SEMA3E: variants seen among roughly 807,000 people sequenced by gnomAD.
The protein encoded by SEMA3E is semaphorin 3E, also known as semaphorin-3E.
In SEMA3E, 49 loss-of-function variants were observed where a neutral mutation model predicts 93.6. That is an observed-to-expected ratio of 0.52 (90% confidence interval 0.42 to 0.66). The LOEUF (loss-of-function observed/expected upper bound fraction) is 0.66. Ranked by LOEUF, SEMA3E falls within the 30% of genes least tolerant of loss-of-function variation. The probability of loss-of-function intolerance (pLI) is 0.00; values close to 1 mark genes in which losing one functional copy is unlikely to be tolerated. For missense variants in SEMA3E, 906 were observed against 964.8 expected (o/e 0.94, Z 0.81); for synonymous variants, 363 against 330.7 (o/e 1.10, Z -1.06).
chr7:83,460,949 T>C (rs1029402861), intron 4 of SEMA3E, among the ~76,000 whole-genome samples: 17 of 152,050 alleles, frequency 1.1e-4, no homozygotes, highest in Admixed American at 5.9e-4. Flanking sequence ...CATTCCTCCT[T>C]CTACTCCCTT....
At chr7:83,466,888 C>A (rs1013565376) in intron 3 of SEMA3E, among the ~76,000 whole-genome samples, 4 of 152,076 alleles carry the variant, frequency 2.6e-5, no homozygotes, top group African/African-American at 9.7e-5. Context: ...AAGCACTATT[C>A]AGAAATTTCT....
At chr7:83,478,913 C>T (rs1790078728) in intron 2 of SEMA3E, among the ~76,000 whole-genome samples, 1 of 152,314 alleles carries the variant, frequency 6.6e-6, no homozygotes, top group East Asian at 1.9e-4. Context: ...ACTTACTGGC[C>T]TCATGGCTCT....
chr7:83,423,695 T>A (rs1788715337), intron 4 of SEMA3E, among the ~76,000 whole-genome samples: 1 of 150,078 alleles, frequency 6.7e-6, no homozygotes, highest in South Asian at 2.1e-4. Context: ...GTACTTTTAG[T>A]AGAGACAGAG....
chr7:83,513,876 G>A (rs1790874986), intron 1 of SEMA3E, among the ~76,000 whole-genome samples: 1 of 152,100 alleles, frequency 6.6e-6, no homozygotes, highest in Non-Finnish European at 1.5e-5. Context: ...ATGTGATCCA[G>A]AGCAACTCCA....
chr7:83,512,753 C>A (rs979213571), intron 1 of SEMA3E, among the ~76,000 whole-genome samples: 2 of 152,006 alleles, frequency 1.3e-5, no homozygotes, highest in African/African-American at 4.8e-5. Flanking sequence ...GATGATACAA[C>A]GTATATACAT....
At chr7:83,427,984 A>C (rs986467527) in intron 4 of SEMA3E, among the ~76,000 whole-genome samples, 1 of 152,210 alleles carries the variant, frequency 6.6e-6, no homozygotes, top group Admixed American at 6.5e-5. Flanking sequence ...TTCTGTTTCA[A>C]TGTGATATGG....
At chr7:83,593,406 T>C (rs1158231154) in intron 1 of SEMA3E, among the ~76,000 whole-genome samples, 1 of 151,718 alleles carries the variant, frequency 6.6e-6, no homozygotes, top group African/African-American at 2.4e-5. Context: ...ACAGTCATTG[T>C]AGGATTGGAA....
chr7:83,462,318 A>AT (rs1789644010), intron 4 of SEMA3E, among the ~76,000 whole-genome samples: 3 of 152,124 alleles, frequency 2.0e-5, no homozygotes, highest in Non-Finnish European at 4.4e-5. Context: ...ATTGACAGCT[A>AT]GGCTTCTAAA....
At chr7:83,423,660 C>A (rs987042241) in intron 4 of SEMA3E, among the ~76,000 whole-genome samples, 1 of 138,450 alleles carries the variant, frequency 7.2e-6, no homozygotes, top group African/African-American at 2.6e-5. Context: ...CCCACCACCA[C>A]GCCCGGCTAA....
chr7:83,546,586 A>C (rs554218206), intron 1 of SEMA3E, among the ~76,000 whole-genome samples: 1 of 152,136 alleles, frequency 6.6e-6, no homozygotes, highest in East Asian at 1.9e-4. Flanking sequence ...ATTAGCTGAT[A>C]TAGATTTCAC....
chr7:83,368,224 T>G (rs936872301), intron 16 of SEMA3E, among the ~76,000 whole-genome samples, 186 bp from the exon 17 acceptor site: 14 of 151,984 alleles, frequency 9.2e-5, no homozygotes, highest in African/African-American at 3.4e-4. Flanking sequence ...TGTGTGTGTG[T>G]GTGTGTGTGT....
intron 1 of SEMA3E, among the ~76,000 whole-genome samples, chr7:83,499,917 C>T (rs1311887554): frequency 6.6e-6 from 1 of 152,140 alleles, no homozygotes; most frequent in Non-Finnish European, 1.5e-5. Context: ...TGAATTTGGA[C>T]ATCAACAAAG....
At chr7:83,406,152 T>C (rs1414094134) in intron 7 of SEMA3E, 93 bp from the exon 8 acceptor site, 2 of 919,678 alleles carry the variant, frequency 2.2e-6, no homozygotes, top group Non-Finnish European at 3.6e-6. Flanking sequence ...CCAAGAGTTA[T>C]GACTTTTTTA....
rs567517755 is a variant in SEMA3E at position 83,495,440 on chromosome 7, T to C, written c.116-5166A>G. On this transcript the variant is annotated intron_variant, in intron 1 of 16. Coordinates refer to ENST00000643230, the MANE Select transcript of SEMA3E (RefSeq NM_012431.3). ...TAAGAAATTCATAGAAATTGCAGTATGCTTTATTTGTAAAAAGAGCATTAT... is the reference window on the plus strand; with the variant it reads ...TAAGAAATTCATAGAAATTGCAGTACGCTTTATTTGTAAAAAGAGCATTAT... Among the ~76,000 whole-genome samples the C allele has an allele frequency of 4.0e-5, 6 of 150,862 alleles. No individual in the cohort carries two copies. The South Asian group carries it at 1.3e-3, about 32-fold the overall frequency.
chr7:83,369,881 C>G (rs1418035284), intron 16 of SEMA3E, among the ~76,000 whole-genome samples: 1 of 152,150 alleles, frequency 6.6e-6, no homozygotes, highest in Non-Finnish European at 1.5e-5. Context: ...CAACCTATGA[C>G]CACCCCGTGC....
At chr7:83,419,363 G>A (rs952333538) in intron 4 of SEMA3E, among the ~76,000 whole-genome samples, 6 of 152,122 alleles carry the variant, frequency 3.9e-5, no homozygotes, top group South Asian at 2.1e-4. Context: ...GAACATATGA[G>A]TGAGTTAGTA....
At position 83,390,035 on chromosome 7, in the gene SEMA3E, A is replaced by G. The variant is rs372445140; in HGVS notation, c.1667+2520T>C. On this transcript the variant is annotated intron_variant, in intron 14 of 16. Coordinates refer to ENST00000643230, the MANE Select transcript of SEMA3E (RefSeq NM_012431.3). The stretch of plus-strand genomic sequence containing the variant: ...TATACGCGTATATGTGTATACGTAT[A>G]CACATATATGCGCGTATACGTGTGC... Among the ~76,000 whole-genome samples, 452 of 141,460 alleles carry G rather than the reference A, an allele frequency of 3.2e-3. 23 individuals are homozygous for G. The highest frequency in any genetic ancestry group is 0.011 in the African/African-American group (384 of 36,116). The allele number at this position is 141,460 out of a possible 152,430, so 92.8% of individuals were successfully genotyped here.
At chr7:83,386,534 C>T (rs1043074341) in intron 15 of SEMA3E, among the ~76,000 whole-genome samples, 3 of 152,110 alleles carry the variant, frequency 2.0e-5, no homozygotes, top group Non-Finnish European at 2.9e-5. Flanking sequence ...GCTTGGTCAA[C>T]TTAGATAAAA....
rs114505029 is a variant in SEMA3E at position 83,568,074 on chromosome 7, G to A, written c.116-77800C>T. On this transcript the variant is annotated intron_variant, in intron 1 of 16. Transcript: ENST00000643230. ...CTGCAACTTATACAACTGAAATACA[G>A]AAGATCATAAGGGATTATTATGAGC... Among the ~76,000 whole-genome samples the A allele has an allele frequency of 6.9e-3, 1,044 of 151,822 alleles. 9 individuals are homozygous for A. The highest frequency in any genetic ancestry group is 0.024 in the African/African-American group (990 of 41,446).
Sources: allele counts gnomAD v4.1 joint callset (sites outside exome capture counted in the v4.1 genomes callset), GRCh38; gene constraint gnomAD v4.1.1; transcripts MANE v1.5; gene names NCBI Gene and HGNC (gene_info 2026-07-23, HGNC 2026-07-21).